Variants in EEF2K observed in about 807,000 individuals in gnomAD.
The protein encoded by EEF2K is eukaryotic elongation factor 2 kinase, also known as alternative protein EEF2K.
In EEF2K, 70 loss-of-function variants were observed where a neutral mutation model predicts 93.8. That is an observed-to-expected ratio of 0.75 (90% confidence interval 0.62 to 0.91). EEF2K has a LOEUF of 0.91. Among genes scored for constraint, EEF2K ranks in the 40% least tolerant of loss-of-function variants. EEF2K has a pLI of 0.00. For missense variants in EEF2K, 935 were observed against 972.9 expected (o/e 0.96, Z 0.52); for synonymous variants, 376 against 380.8 (o/e 0.99, Z 0.15).
intron 1 of EEF2K, among the ~76,000 whole-genome samples, chr16:22,217,011 A>G (rs1482638299): frequency 6.6e-6 from 1 of 151,634 alleles, no homozygotes; most frequent in Non-Finnish European, 1.5e-5. Flanking sequence ...ATATACAAAA[A>G]TTAGCTGGGT....
At chr16:22,256,392 C>G (rs2047399234) in intron 6 of EEF2K, among the ~76,000 whole-genome samples, 1 of 152,024 alleles carries the variant, frequency 6.6e-6, no homozygotes, top group South Asian at 2.1e-4. Context: ...GCCACCATGC[C>G]CAGCCTTAAT....
intron 6 of EEF2K, among the ~76,000 whole-genome samples, chr16:22,251,627 G>A (rs1365839618): frequency 6.6e-6 from 1 of 151,982 alleles, no homozygotes; most frequent in Non-Finnish European, 1.5e-5. Context: ...GTTTCACCAT[G>A]TTGGCCAGGC....
intron 2 of EEF2K, among the ~76,000 whole-genome samples, chr16:22,227,593 T>C (rs1598169160): frequency 6.6e-6 from 1 of 152,336 alleles, no homozygotes; most frequent in East Asian, 1.9e-4. Context: ...CTTGATTACA[T>C]GAAATTTGCA....
At chr16:22,226,115 T>C (rs2142107125) in intron 2 of EEF2K, 140 bp downstream of exon 2, 2 of 1,269,742 alleles carry the variant, frequency 1.6e-6, no homozygotes, top group Non-Finnish European at 2.2e-6. Context: ...GATATACTTG[T>C]TAAGCAGGGA....
At chr16:22,241,986 T>TA (rs200620369) in intron 2 of EEF2K, among the ~76,000 whole-genome samples, 2,375 of 151,326 alleles carry the variant, frequency 0.016, 30 homozygotes, top group Admixed American at 0.028. Flanking sequence ...AAAATAAAAA[T>TA]AAAAAAATTA....
At position 22,256,869 on chromosome 16, in the gene EEF2K, G is replaced by C. The variant is rs574100448; in HGVS notation, c.740G>C (p.Arg247Pro). 2.4e-5 allele frequency: 39 copies of C among 1,614,014 alleles called. No homozygotes were observed. Among genetic ancestry groups the C allele is most frequent in the Admixed American group, 5.0e-5 (3 of 60,004 alleles). Residue 247 changes from arginine (R) to proline (P), a missense_variant, in exon 7 of 18, where the codon CGC (arginine) becomes CCC (proline). Transcript: ENST00000263026. ...IKYNSNSGFVRDDNIRLTPQA... is the reference protein window; with the variant it reads ...IKYNSNSGFVPDDNIRLTPQA... ...TACAACTCCAACTCTGGCTTTGTCC[G>C]CGATGACAACATCCGCCTGACGCCG...
chr16:22,241,823 T>G (rs1436798006), intron 2 of EEF2K, among the ~76,000 whole-genome samples: 1 of 151,974 alleles, frequency 6.6e-6, no homozygotes, highest in African/African-American at 2.4e-5. Context: ...TTTTGAACTC[T>G]GCAGAGGTAA....
intron 1 of EEF2K, among the ~76,000 whole-genome samples, chr16:22,222,808 T>C (rs1034973367): frequency 2.0e-5 from 3 of 151,434 alleles, no homozygotes; most frequent in Non-Finnish European, 4.4e-5. Flanking sequence ...CACTTGAACC[T>C]GGGGGTGGAG....
chr16:22,288,619 G>A lies in EEF2K; in HGVS notation c.*4623G>A, dbSNP rs1258673764. 6.6e-6 allele frequency: 1 copy of A among 152,150 alleles called. No homozygotes were observed. Among genetic ancestry groups the A allele is most frequent in the Non-Finnish European group, 1.5e-5 (1 of 68,036 alleles). The allele number at this position is 152,150 out of a possible 1,614,324, so 9.4% of individuals were successfully genotyped here. ...CTTAATTGTGTTTCTAGTCTCTAAG[G>A]TGACCCTTTAACCTACTCAAGATGG... is the stretch of plus-strand genomic sequence containing the variant. On this transcript the variant is annotated 3_prime_UTR_variant, in exon 18 of 18. Transcript: ENST00000263026.
intron 2 of EEF2K, among the ~76,000 whole-genome samples, chr16:22,228,101 C>G (rs985008133): frequency 2.7e-4 from 41 of 149,546 alleles, no homozygotes; most frequent in African/African-American, 9.9e-4. Flanking sequence ...GCAACCTCCA[C>G]CTCCCAGGTT....
chr16:22,274,177 T>TC (rs2047612568), intron 16 of EEF2K, among the ~76,000 whole-genome samples: 2 of 152,026 alleles, frequency 1.3e-5, no homozygotes, highest in African/African-American at 4.8e-5. Context: ...GCATGGTGGC[T>TC]CACGCATGTA....
At chr16:22,268,710 C>A (rs918855856) in intron 15 of EEF2K, among the ~76,000 whole-genome samples, 4 of 151,886 alleles carry the variant, frequency 2.6e-5, no homozygotes, top group African/African-American at 9.7e-5. Flanking sequence ...AATCCCAGCA[C>A]TTTGGGAGAT....
rs118182720 is a variant in EEF2K at position 22,222,582 on chromosome 16, G to T, written c.-76-3072G>T. On this transcript the variant is annotated intron_variant, in intron 1 of 17. Coordinates refer to ENST00000263026, the MANE Select transcript of EEF2K (RefSeq NM_013302.5). Reference sequence around the variant, plus strand: ...TACAATCTGCTCATTTAAAATGTACGATTCTGGCTGGGAGCAGTGGCTCAT... The same window carrying T: ...TACAATCTGCTCATTTAAAATGTACTATTCTGGCTGGGAGCAGTGGCTCAT... 2.6e-3 allele frequency among the ~76,000 whole-genome samples: 392 copies of T among 151,094 alleles called. 2 individuals are homozygous for T. The highest frequency in any genetic ancestry group is 4.1e-3 in the Non-Finnish European group (275 of 67,782).
intron 6 of EEF2K, among the ~76,000 whole-genome samples, chr16:22,256,510 C>T (rs2047400494): frequency 6.6e-6 from 1 of 152,148 alleles, no homozygotes; most frequent in Admixed American, 6.5e-5. Flanking sequence ...GCTGGGATTA[C>T]AGATGTAAGC....
At chr16:22,212,635 T>C (rs1010849924) in intron 1 of EEF2K, among the ~76,000 whole-genome samples, 2 of 151,984 alleles carry the variant, frequency 1.3e-5, no homozygotes, top group African/African-American at 4.8e-5. Context: ...TGTCTCTTTA[T>C]GGTATGTGGG....
chr16:22,255,782 C>T (rs571162265), intron 6 of EEF2K, among the ~76,000 whole-genome samples: 30 of 152,086 alleles, frequency 2.0e-4, no homozygotes, highest in Admixed American at 1.1e-3. Flanking sequence ...TAGTGACACA[C>T]GCCTGTAGTC....
chr16:22,229,441 G>A (rs1016273925), intron 2 of EEF2K, among the ~76,000 whole-genome samples: 8 of 152,296 alleles, frequency 5.3e-5, no homozygotes, highest in East Asian at 1.9e-4. Context: ...GAAGCCGGGC[G>A]CGGTGGCTCA....
At chr16:22,256,163 T>C (rs894638669) in intron 6 of EEF2K, among the ~76,000 whole-genome samples, 1 of 152,104 alleles carries the variant, frequency 6.6e-6, no homozygotes, top group East Asian at 1.9e-4. Context: ...AGTGGTGCAA[T>C]CTTGGCTCAC....
At chr16:22,241,815 T>C (rs1290750255) in intron 2 of EEF2K, among the ~76,000 whole-genome samples, 2 of 151,976 alleles carry the variant, frequency 1.3e-5, no homozygotes, top group Non-Finnish European at 2.9e-5. Context: ...GCTTTATTTT[T>C]TGAACTCTGC....
Sources: gnomAD v4.1 joint callset for allele counts (sites outside exome capture counted in the v4.1 genomes callset) on GRCh38, gnomAD v4.1.1 for gene constraint, MANE v1.5 for transcripts, NCBI Gene and HGNC (gene_info 2026-07-23, HGNC 2026-07-21) for gene names.